The following TRPM6 variants were observed in gnomAD, a reference collection of about 807,000 sequenced individuals.
TRPM6 encodes channel kinase 2.
Under a neutral mutation model 247.6 loss-of-function variants are expected in TRPM6, and 111 were observed. The observed-to-expected ratio is 0.45, with a 90% CI of 0.38 to 0.52. TRPM6 has a LOEUF of 0.52. TRPM6 is among the 20% of genes least tolerant of loss of function. TRPM6 has a pLI of 0.00. For synonymous variants in TRPM6, 892 were observed against 853.8 expected, an observed-to-expected ratio of 1.04 and a Z score of -0.78; for missense variants, 2,126 against 2,421.5, an observed-to-expected ratio of 0.88 and a Z score of 2.56.
intron 1 of TRPM6, among the ~76,000 whole-genome samples, chr9:74,882,998 A>G (rs967388260): frequency 6.6e-6 from 1 of 152,150 alleles, no homozygotes; most frequent in East Asian, 1.9e-4. Flanking sequence ...CTGAAACTCT[A>G]TACCCATTAA....
At chr9:74,887,462 C>T (rs1364042504) in intron 1 of TRPM6, 2 of 1,027,890 alleles carry the variant, frequency 1.9e-6, no homozygotes, top group African/African-American at 2.0e-5. Context: ...CCTCTCCCTC[C>T]GGCCCGGAGC....
chr9:74,744,206 G>A, intron 31 of TRPM6, 61 bp from the exon 32 acceptor site: 5 of 1,514,630 alleles, frequency 3.3e-6, no homozygotes, highest in Non-Finnish European at 4.6e-6. Flanking sequence ...ACATGTTTAT[G>A]AATATATTGC....
chr9:74,846,931 C>T (rs1435478159), intron 3 of TRPM6, among the ~76,000 whole-genome samples: 2 of 152,140 alleles, frequency 1.3e-5, no homozygotes, highest in South Asian at 2.1e-4. Flanking sequence ...TTTGTTTACA[C>T]GTTCCAAAAA....
At chr9:74,830,955 G>A (rs1306388957) in intron 6 of TRPM6, among the ~76,000 whole-genome samples, 2 of 151,674 alleles carry the variant, frequency 1.3e-5, no homozygotes, top group Non-Finnish European at 1.5e-5. Flanking sequence ...CATTTTAAAC[G>A]GTTATACAGA....
chr9:74,808,355 AT>A (rs918517846), intron 13 of TRPM6, among the ~76,000 whole-genome samples, 181 bp from the exon 14 acceptor site: 75 of 152,302 alleles, frequency 4.9e-4, no homozygotes, highest in African/African-American at 1.6e-3. Flanking sequence ...AGAAGGAAAA[AT>A]ATCTTAGCCT....
chr9:74,783,605 C>T lies in TRPM6; in HGVS notation c.2920-752G>A, dbSNP rs1827540108. Reference sequence around the variant, plus strand: ...GGGATCCCAGATTCCTGAGTCACTGCATAGAGGACAGCCCCCATGAGCACT... The same window carrying T: ...GGGATCCCAGATTCCTGAGTCACTGTATAGAGGACAGCCCCCATGAGCACT... On this transcript the variant is annotated intron_variant, in intron 21 of 38. Coordinates refer to ENST00000360774, the MANE Select transcript of TRPM6 (RefSeq NM_017662.5). Among the ~76,000 whole-genome samples the T allele has an allele frequency of 2.6e-5, 4 of 152,202 alleles. No individual in the cohort carries two copies. In the South Asian group the frequency reaches 6.2e-4, roughly 24 times the overall value.
At chr9:74,848,721 T>C (rs1461692889) in intron 3 of TRPM6, among the ~76,000 whole-genome samples, 1 of 152,196 alleles carries the variant, frequency 6.6e-6, no homozygotes, top group African/African-American at 2.4e-5. Context: ...TCTTGACAGC[T>C]TTTCATTCTA....
chr9:74,810,684 C>T (rs1828698792), intron 13 of TRPM6, 131 bp downstream of exon 13: 2 of 795,604 alleles, frequency 2.5e-6, no homozygotes, highest in Admixed American at 1.9e-5. Context: ...TTGTTCAAAT[C>T]AAGGTAAAGA....
intron 5 of TRPM6, 33 bp downstream of exon 5, chr9:74,839,991 G>C (rs1358373766): frequency 6.6e-7 from 1 of 1,519,432 alleles, no homozygotes; most frequent in African/African-American, 1.4e-5. Flanking sequence ...GGGTGAAAGA[G>C]AGGGTGGGAG....
At chr9:74,765,648 T>C (rs1446695359) in intron 25 of TRPM6, among the ~76,000 whole-genome samples, 7 of 152,176 alleles carry the variant, frequency 4.6e-5, no homozygotes, top group African/African-American at 1.7e-4. Flanking sequence ...TTCCCGCTCT[T>C]ATCTGGGGGC....
intron 7 of TRPM6, among the ~76,000 whole-genome samples, chr9:74,823,532 T>C (rs563627501): frequency 2.6e-5 from 4 of 152,194 alleles, no homozygotes; most frequent in Admixed American, 2.6e-4. Context: ...ATCGATTTAG[T>C]TGCTTTGACA....
chr9:74,812,874 G>A (rs977146520), intron 11 of TRPM6, among the ~76,000 whole-genome samples: 20 of 152,042 alleles, frequency 1.3e-4, no homozygotes, highest in Non-Finnish European at 2.4e-4. Flanking sequence ...TGGGCAACAG[G>A]GCAAGACCCT....
intron 16 of TRPM6, among the ~76,000 whole-genome samples, chr9:74,801,243 ATTTTTTTTTTTT>A (rs59490187): frequency 1.2e-5 from 1 of 85,252 alleles, no homozygotes; most frequent in Non-Finnish European, 2.1e-5. Context: ...AAGCCTGGGA[ATTTTTTTTTTTT>A]TTTTTTTTTT....
chr9:74,803,873 G>T lies in TRPM6; in HGVS notation c.1652C>A (p.Ser551Tyr). ...LYRKYKHQRH[S>Y]SGNRNESAES... ...TGCAGACTCATTTCTATTTCCTGAG[G>T]AGTGTCTCTGGTGCTGGGAAAGGTT... Residue 551 changes from serine (S) to tyrosine (Y), a missense_variant, in exon 15 of 39, where the codon TCC (serine) becomes TAC (tyrosine). Ser to Tyr is a moderately radical substitution (Grantham distance 144). Transcript: ENST00000360774. The T allele has an allele frequency of 6.2e-7, 1 of 1,611,524 alleles. No homozygotes were observed. Among genetic ancestry groups the T allele is most frequent in the Non-Finnish European group, 8.5e-7 (1 of 1,177,700 alleles).
chr9:74,800,493 G>C lies in TRPM6; in HGVS notation c.2010-11C>G, dbSNP rs753487996. On this transcript the variant is annotated splice_polypyrimidine_tract_variant and intron_variant, in intron 16 of 38. Transcript: ENST00000360774. ...AGCTGGCCAAACTGTCTGCCATGAGGGTGGCCAATTAAGAAAACAAAGGCA... is the reference window on the plus strand; with the variant it reads ...AGCTGGCCAAACTGTCTGCCATGAGCGTGGCCAATTAAGAAAACAAAGGCA... 6.2e-7 allele frequency: 1 copy of C among 1,607,240 alleles called. No homozygotes were observed. The highest frequency in any genetic ancestry group is 8.5e-7 in the Non-Finnish European group (1 of 1,174,174).
Position 74,724,311 on chromosome 9 carries a change from A to G in TRPM6, c.*302T>C, listed in dbSNP as rs1057515636. 4.5e-6 allele frequency: 2 copies of G among 446,948 alleles called. No homozygotes were observed. Among genetic ancestry groups the G allele is most frequent in the Non-Finnish European group, 4.1e-6 (1 of 242,424 alleles). 27.7% of individuals were successfully genotyped at this position (446,948 alleles called of 1,614,324 possible). The stretch of plus-strand genomic sequence containing the variant: ...CCTTTAATGTGCAGGATTCTGCTCC[A>G]AAGTTCCAAGTGACCAGCTAAAGCA... On this transcript the variant is annotated 3_prime_UTR_variant, in exon 39 of 39. Transcript: ENST00000360774.
intron 6 of TRPM6, among the ~76,000 whole-genome samples, chr9:74,829,546 G>GT (rs1311370216): frequency 6.6e-6 from 1 of 152,124 alleles, no homozygotes; most frequent in Non-Finnish European, 1.5e-5. Context: ...TCAGGTATAA[G>GT]TAAGGATGAT....
intron 29 of TRPM6, among the ~76,000 whole-genome samples, chr9:74,751,399 G>A (rs1826238949): frequency 6.6e-6 from 1 of 152,086 alleles, no homozygotes; most frequent in Non-Finnish European, 1.5e-5. Flanking sequence ...GTAGAAAGTG[G>A]CAGAGCCAGA....
In TRPM6 at chr9:74,818,274, C is replaced by T. The variant is rs145351441; in HGVS notation, c.1135-1310G>A. 1.7e-4 allele frequency among the ~76,000 whole-genome samples: 24 copies of T among 143,608 alleles called. No individual in the cohort carries two copies. The East Asian group carries it at 4.8e-3, about 29-fold the overall frequency. The allele number at this position is 143,608 out of a possible 152,430, so 94.2% of individuals were successfully genotyped here. ...AAGATTTCAACTCTTCTGAAACTCA[C>T]GTTTCAGATCTATCATTTCTTTTTT... On this transcript the variant is annotated intron_variant, in intron 9 of 38. Coordinates refer to ENST00000360774, the MANE Select transcript of TRPM6 (RefSeq NM_017662.5).
Sources: gnomAD v4.1 joint callset for allele counts (sites outside exome capture counted in the v4.1 genomes callset) on GRCh38, gnomAD v4.1.1 for gene constraint, MANE v1.5 for transcripts, NCBI Gene and HGNC (gene_info 2026-07-23, HGNC 2026-07-21) for gene names.